ANO3: variants seen among roughly 807,000 people sequenced by gnomAD.
The protein encoded by ANO3 is anoctamin 3, also known as anoctamin-3.
In ANO3, 99 loss-of-function variants were observed where a neutral mutation model predicts 144.8. That is an observed-to-expected ratio of 0.68 (90% CI 0.58 to 0.81). The LOEUF (loss-of-function observed/expected upper bound fraction) is 0.81. Ranked by LOEUF, ANO3 falls within the 30% of genes least tolerant of loss-of-function variation. The pLI is 0.00. For missense variants in ANO3, 905 were observed against 1,202.2 expected (o/e 0.75, Z 3.66); for synonymous variants, 414 against 392.6 (o/e 1.05, Z -0.64).
intron 1 of ANO3, among the ~76,000 whole-genome samples, chr11:26,257,698 G>A (rs148464416): frequency 0.017 from 2,553 of 152,028 alleles, 29 homozygotes; most frequent in Non-Finnish European, 0.024. Context: ...TTAACTTTAT[G>A]CTGCTAAAAC....
chr11:26,362,698 CT>C (rs1855959426), intron 1 of ANO3, among the ~76,000 whole-genome samples: 1 of 152,128 alleles, frequency 6.6e-6, no homozygotes, highest in Non-Finnish European at 1.5e-5. Flanking sequence ...ATAAAATGCA[CT>C]TCTTTTTCAA....
Position 26,661,085 on chromosome 11 carries a change from C to T in ANO3, c.*641C>T, listed in dbSNP as rs1853863949. On this transcript the variant is annotated 3_prime_UTR_variant, in exon 27 of 27. Transcript: ENST00000256737. ...TAGTCAAACCAAAAATCTAAGATTC[C>T]AAAAAGAACAGCATTCATTGAAATA... 1.3e-5 allele frequency: 2 copies of T among 152,482 alleles called. No individual in the cohort carries two copies. The highest frequency in any genetic ancestry group is 1.3e-4 in the Admixed American group (2 of 15,240). 9.4% of individuals were successfully genotyped at this position (152,482 alleles called of 1,614,324 possible).
intron 1 of ANO3, among the ~76,000 whole-genome samples, chr11:26,289,352 C>T (rs1466209789): frequency 2.0e-5 from 3 of 151,496 alleles, no homozygotes; most frequent in East Asian, 3.9e-4. Flanking sequence ...TCATGGTGAA[C>T]TTTGGTGATT....
At chr11:26,548,297 A>C (rs1849841846) in intron 12 of ANO3, among the ~76,000 whole-genome samples, 1 of 152,004 alleles carries the variant, frequency 6.6e-6, no homozygotes, top group East Asian at 1.9e-4. Flanking sequence ...GCACATTGTT[A>C]TTCAGCAAGG....
chr11:26,298,548 T>C (rs1254910998), intron 1 of ANO3, among the ~76,000 whole-genome samples: 1 of 152,142 alleles, frequency 6.6e-6, no homozygotes, highest in Non-Finnish European at 1.5e-5. Flanking sequence ...TTATTCTGAG[T>C]AATTAACCTT....
chr11:26,318,176 G>A (rs893691543), intron 1 of ANO3, among the ~76,000 whole-genome samples: 2 of 152,104 alleles, frequency 1.3e-5, no homozygotes, highest in African/African-American at 4.8e-5. Flanking sequence ...GTTGATGGGT[G>A]CCGCAAACCA....
intron 1 of ANO3, among the ~76,000 whole-genome samples, chr11:26,423,558 T>A (rs72886212): frequency 0.17 from 25,834 of 151,550 alleles, 2,361 homozygotes; most frequent in South Asian, 0.31. Context: ...CAATTTTTTT[T>A]AAAAAAAAGA....
intron 1 of ANO3, among the ~76,000 whole-genome samples, chr11:26,209,788 T>C (rs1256981137): frequency 6.6e-6 from 1 of 151,854 alleles, no homozygotes; most frequent in African/African-American, 2.4e-5. Context: ...AAATATCTTC[T>C]TTTGATAAGT....
chr11:26,635,097 A>G, intron 20 of ANO3, 27 bp downstream of exon 20: 1 of 1,606,536 alleles, frequency 6.2e-7, no homozygotes, highest in Non-Finnish European at 8.5e-7. Flanking sequence ...GTGTGGGTGC[A>G]GGAATGGGCA....
intron 1 of ANO3, among the ~76,000 whole-genome samples, chr11:26,258,447 T>C (rs544231077): frequency 6.6e-6 from 1 of 152,232 alleles, no homozygotes; most frequent in African/African-American, 2.4e-5. Context: ...TACTTACAAA[T>C]AAAAAAGTTC....
chr11:26,570,676 T>C (rs912143017), intron 14 of ANO3, among the ~76,000 whole-genome samples: 5 of 152,140 alleles, frequency 3.3e-5, no homozygotes, highest in African/African-American at 9.7e-5. Context: ...GATCATTTCT[T>C]CTCACAGATG....
chr11:26,270,356 G>GA (rs1590226169), intron 1 of ANO3, among the ~76,000 whole-genome samples: 3 of 152,046 alleles, frequency 2.0e-5, no homozygotes, highest in South Asian at 4.2e-4. Flanking sequence ...TTACTCTATT[G>GA]AAAAAATCTA....
At chr11:26,366,113 T>G (rs972275130) in intron 1 of ANO3, among the ~76,000 whole-genome samples, 4 of 151,946 alleles carry the variant, frequency 2.6e-5, no homozygotes, top group Non-Finnish European at 4.4e-5. Flanking sequence ...TCATTTACAT[T>G]AGGTATATCT....
intron 17 of ANO3, among the ~76,000 whole-genome samples, chr11:26,616,675 A>C (rs1852270957): frequency 1.3e-5 from 2 of 152,230 alleles, no homozygotes. Flanking sequence ...ATTCTCAAAT[A>C]AGCTGAAAAC....
intron 1 of ANO3, among the ~76,000 whole-genome samples, chr11:26,332,805 G>T (rs1002126563): frequency 1.6e-4 from 24 of 152,074 alleles, no homozygotes; most frequent in African/African-American, 5.8e-4. Flanking sequence ...CAGTTAAAGG[G>T]GCTCTGTCAC....
At chr11:26,256,427 TTG>T (rs1157608402) in intron 1 of ANO3, among the ~76,000 whole-genome samples, 2 of 152,144 alleles carry the variant, frequency 1.3e-5, no homozygotes, top group Admixed American at 1.3e-4. Context: ...ATAATAATTT[TTG>T]CCTTCCAGAC....
intron 1 of ANO3, among the ~76,000 whole-genome samples, chr11:26,224,208 A>G (rs1406788676): frequency 6.6e-6 from 1 of 152,146 alleles, no homozygotes. Flanking sequence ...ACTGGGGCAC[A>G]CACCAAGTTC....
intron 1 of ANO3, among the ~76,000 whole-genome samples, chr11:26,260,827 T>C (rs1853171444): frequency 6.6e-6 from 1 of 152,104 alleles, no homozygotes; most frequent in Admixed American, 6.5e-5. Context: ...CCTGGGTAAT[T>C]TTCCCTTTTG....
chr11:26,467,372 A>C (rs1590386393), intron 4 of ANO3, among the ~76,000 whole-genome samples: 1 of 149,800 alleles, frequency 6.7e-6, no homozygotes, highest in Middle Eastern at 3.4e-3. Context: ...ATCAGATAAT[A>C]GATCTTATTC....
Sources: gnomAD v4.1 joint callset for allele counts (sites outside exome capture counted in the v4.1 genomes callset) on GRCh38, gnomAD v4.1.1 for gene constraint, MANE v1.5 for transcripts, NCBI Gene and HGNC (gene_info 2026-07-23, HGNC 2026-07-21) for gene names.